Variants in RGL1 observed in about 807,000 individuals in gnomAD.
RGL1 encodes ral guanine nucleotide dissociation stimulator like 1.
RGL1 carries 24 observed loss-of-function variants against 95.2 expected under a neutral mutation model. The observed-to-expected ratio is 0.25, with a 90% CI of 0.18 to 0.35. The LOEUF is 0.35. RGL1 is among the 10% of genes least tolerant of loss of function. RGL1 has a pLI of 1.00. For missense variants in RGL1, 715 were observed against 936.3 expected (o/e 0.76, Z 3.08); for synonymous variants, 329 against 344.9 (o/e 0.95, Z 0.51).
At chr1:183,768,909 A>G (rs1175642375) in intron 2 of RGL1, among the ~76,000 whole-genome samples, 1 of 152,246 alleles carries the variant, frequency 6.6e-6, no homozygotes, top group East Asian at 1.9e-4. Context: ...ACTGTCATAT[A>G]AGATATTAGC....
intron 2 of RGL1, among the ~76,000 whole-genome samples, chr1:183,753,363 T>G (rs982064259): frequency 6.6e-6 from 1 of 152,206 alleles, no homozygotes; most frequent in Non-Finnish European, 1.5e-5. Context: ...TTCCTATTTA[T>G]ATTTTTATTT....
Position 183,847,426 on chromosome 1 carries a change from G to A in RGL1, c.139-140G>A, listed in dbSNP as rs573190294. On this transcript the variant is annotated intron_variant, in intron 2 of 17. Coordinates refer to ENST00000360851, the MANE Select transcript of RGL1 (RefSeq NM_001297671.3). Reference sequence around the variant, plus strand: ...TCTGTGATCACACCACTGCTCTCCAGCCTGGGTAACAAAAGGGATAAATAA... The same window carrying A: ...TCTGTGATCACACCACTGCTCTCCAACCTGGGTAACAAAAGGGATAAATAA... 3.9e-6 allele frequency: 3 copies of A among 764,800 alleles called. No homozygotes were observed. The South Asian group carries it at 5.3e-5, about 13-fold the overall frequency. The allele number at this position is 764,800 out of a possible 1,614,324, so 47.4% of individuals were successfully genotyped here. A position where few individuals can be genotyped will look rare whatever the true frequency, so the allele number is the denominator to read the frequency against.
Position 183,805,281 on chromosome 1 carries a change from C to T in RGL1, c.-17C>T, listed in dbSNP as rs1278549506. 1.9e-6 allele frequency: 3 copies of T among 1,611,440 alleles called. No homozygotes were observed. Among genetic ancestry groups the T allele is most frequent in the Non-Finnish European group, 2.5e-6 (3 of 1,179,386 alleles). On this transcript the variant is annotated 5_prime_UTR_variant, in exon 1 of 18. Coordinates refer to ENST00000360851, the MANE Select transcript of RGL1 (RefSeq NM_001297671.3). ...GGCGCATCATGCAGCGTTCGCGCAC[C>T]GGAGAGAAAACTGAGAATGAAATTG...
chr1:183,834,969 C>T (rs1405807852), intron 2 of RGL1, among the ~76,000 whole-genome samples: 1 of 152,184 alleles, frequency 6.6e-6, no homozygotes, highest in African/African-American at 2.4e-5. Context: ...ATGCATCAGC[C>T]ACCATGCCTG....
chr1:183,819,263 G>C (rs1662290912), intron 2 of RGL1, among the ~76,000 whole-genome samples: 1 of 152,174 alleles, frequency 6.6e-6, no homozygotes, highest in African/African-American at 2.4e-5. Flanking sequence ...TAGTAATGAA[G>C]GTTATGCCCA....
intron 2 of RGL1, among the ~76,000 whole-genome samples, chr1:183,815,238 C>T (rs1231202138): frequency 6.6e-6 from 1 of 150,748 alleles, no homozygotes; most frequent in Non-Finnish European, 1.5e-5. Context: ...GGTGCCACTG[C>T]ACTCTAGCCT....
At chr1:183,800,687 C>T (rs1009070182), upstream of RGL1, among the ~76,000 whole-genome samples, 24 of 152,188 alleles carry the variant, frequency 1.6e-4, no homozygotes, top group Non-Finnish European at 3.4e-4. Context: ...AGGCAATCAC[C>T]ATTCTACTTC....
At chr1:183,636,245 G>C in exon 1 of RGL1, 1 of 399,026 alleles carries the variant, frequency 2.5e-6, no homozygotes, top group Non-Finnish European at 4.4e-6. Flanking sequence ...CTGCCGGACC[G>C]AGTGCCCTGC....
chr1:183,723,508 G>A (rs1656136895), intron 1 of RGL1, among the ~76,000 whole-genome samples: 1 of 152,230 alleles, frequency 6.6e-6, no homozygotes, highest in Non-Finnish European at 1.5e-5. Flanking sequence ...TTGCGGGAGG[G>A]AGAGTACAGT....
chr1:183,809,160 G>A (rs1661534874), intron 2 of RGL1, among the ~76,000 whole-genome samples: 1 of 152,192 alleles, frequency 6.6e-6, no homozygotes, highest in Non-Finnish European at 1.5e-5. Flanking sequence ...TGTGAGGATA[G>A]GCATAGCTTT....
At position 183,880,720 on chromosome 1, in the gene RGL1, G is replaced by A. The variant is rs774436644; in HGVS notation, c.530G>A (p.Arg177Gln). The A allele has an allele frequency of 9.3e-6, 15 of 1,613,926 alleles. No individual in the cohort carries two copies. Among genetic ancestry groups the A allele is most frequent in the African/African-American group, 5.3e-5 (4 of 75,032 alleles). ...CAGAAACTGCTGGATTATCTCACAC[G>A]GATGATGCCGGGCTCTGACCCAGAA... ...CLQKLLDYLT[R>Q]MMPGSDPERR... The change falls in exon 5 of 18, where the codon CGG (arginine) becomes CAG (glutamine). Residue 177 changes from arginine (R) to glutamine (Q), a missense_variant. Physicochemically the swap from Arg to Gln is conservative, Grantham distance 43. Transcript: ENST00000360851.
At chr1:183,898,432 C>A (rs758258231) in intron 10 of RGL1, among the ~76,000 whole-genome samples, 8 of 152,336 alleles carry the variant, frequency 5.3e-5, no homozygotes, top group Admixed American at 5.2e-4. Context: ...TTTAAAGGAG[C>A]ATCATGCCTC....
chr1:183,749,115 T>C (rs1657836561), intron 2 of RGL1, among the ~76,000 whole-genome samples: 1 of 152,104 alleles, frequency 6.6e-6, no homozygotes, highest in Admixed American at 6.5e-5. Context: ...GGGTGGAGAG[T>C]TCTGCAGATG....
chr1:183,731,985 C>T (rs577519942), intron 1 of RGL1, among the ~76,000 whole-genome samples: 13 of 152,268 alleles, frequency 8.5e-5, no homozygotes, highest in Non-Finnish European at 1.3e-4. Context: ...ATACACACCT[C>T]GCACAATAAT....
intron 2 of RGL1, among the ~76,000 whole-genome samples, chr1:183,787,886 A>T (rs12096398): frequency 6.6e-6 from 1 of 151,818 alleles, no homozygotes. Context: ...TCACCACGTG[A>T]TCTCTTACAG....
chr1:183,899,895 A>G (rs2102694007), intron 10 of RGL1, among the ~76,000 whole-genome samples: 1 of 152,356 alleles, frequency 6.6e-6, no homozygotes, highest in African/African-American at 2.4e-5. Flanking sequence ...TAAACCCCAC[A>G]GTCAACACTT....
chr1:183,919,500 C>T (rs1474432323), intron 16 of RGL1, among the ~76,000 whole-genome samples: 1 of 152,108 alleles, frequency 6.6e-6, no homozygotes, highest in Non-Finnish European at 1.5e-5. Flanking sequence ...CTCATGGATC[C>T]CCTCACAGAT....
chr1:183,840,175 G>A (rs1389256357), intron 2 of RGL1, among the ~76,000 whole-genome samples: 1 of 152,082 alleles, frequency 6.6e-6, no homozygotes. Flanking sequence ...ATGGAATGAG[G>A]GTCTTATGAT....
intron 12 of RGL1, among the ~76,000 whole-genome samples, chr1:183,903,156 A>T (rs2102703269): frequency 6.6e-6 from 1 of 152,348 alleles, no homozygotes; most frequent in Middle Eastern, 3.4e-3. Flanking sequence ...CAATTAAAAT[A>T]AAAACCAGGT....
Sources: allele counts gnomAD v4.1 joint callset (sites outside exome capture counted in the v4.1 genomes callset), GRCh38; gene constraint gnomAD v4.1.1; transcripts MANE v1.5; gene names NCBI Gene and HGNC (gene_info 2026-07-23, HGNC 2026-07-21).